CNTN1: variants seen among roughly 807,000 people sequenced by gnomAD.
CNTN1 encodes contactin 1, also known as contactin-1.
In CNTN1, 38 loss-of-function variants were observed where a neutral mutation model predicts 126.4. That is an observed-to-expected ratio of 0.30 (90% CI 0.23 to 0.39). The LOEUF is 0.39. CNTN1 is among the 10% of genes least tolerant of loss of function. CNTN1 has a pLI of 1.00. For missense variants in CNTN1, 1,009 were observed against 1,248.4 expected (o/e 0.81, Z 2.89); for synonymous variants, 413 against 422.6 (o/e 0.98, Z 0.28).
intron 21 of CNTN1, among the ~76,000 whole-genome samples, chr12:41,026,160 G>A (rs1227310512): frequency 6.6e-6 from 1 of 152,152 alleles, no homozygotes; most frequent in Non-Finnish European, 1.5e-5. Context: ...TTTGTAAAAG[G>A]AGCATTCATT....
At chr12:40,896,514 T>G (rs1420933296) in intron 1 of CNTN1, among the ~76,000 whole-genome samples, 1 of 152,186 alleles carries the variant, frequency 6.6e-6, no homozygotes, top group African/African-American at 2.4e-5. Context: ...CCTCACTGCC[T>G]TTTGATAATA....
rs185190979 is a variant in CNTN1, at chr12:40,972,892, C to T, written c.1805-8017C>T. On this transcript the variant is annotated intron_variant, in intron 15 of 23. Coordinates refer to ENST00000551295, the MANE Select transcript of CNTN1 (RefSeq NM_001843.4). ...TTTATTTTATTTTATTATTACACTT[C>T]AAGTTTTAGGGTACATGTGCACAAT... Among the ~76,000 whole-genome samples the T allele has an allele frequency of 3.2e-4, 49 of 152,068 alleles. 1 individual carries two copies. The East Asian group carries it at 7.0e-3, about 22-fold the overall frequency.
intron 15 of CNTN1, among the ~76,000 whole-genome samples, chr12:40,969,913 T>A (rs1301502544): frequency 6.6e-6 from 1 of 152,114 alleles, no homozygotes; most frequent in East Asian, 1.9e-4. Flanking sequence ...AGATCCCTTG[T>A]GTAATTATTC....
intron 1 of CNTN1, among the ~76,000 whole-genome samples, chr12:40,854,851 G>T (rs1364995519): frequency 6.6e-6 from 1 of 152,216 alleles, no homozygotes; most frequent in African/African-American, 2.4e-5. Flanking sequence ...AGAGGAGTCA[G>T]GGAGTCAAGA....
At chr12:41,020,462 C>T (rs745646706) in intron 20 of CNTN1, 22 bp downstream of exon 20, 8 of 1,407,240 alleles carry the variant, frequency 5.7e-6, no homozygotes, top group South Asian at 1.2e-5. Context: ...TTTTATCAAA[C>T]TAAATACATT....
chr12:40,966,366 AC>A (rs1472272589), intron 15 of CNTN1, among the ~76,000 whole-genome samples: 2 of 152,108 alleles, frequency 1.3e-5, no homozygotes, highest in Non-Finnish European at 2.9e-5. Flanking sequence ...CCCACTCTGC[AC>A]TAACCACAGC....
At chr12:40,895,950 T>A (rs1391675620) in intron 1 of CNTN1, 1 of 151,540 alleles carries the variant, frequency 6.6e-6, no homozygotes, top group Non-Finnish European at 1.5e-5. Context: ...ATTTTTTTAG[T>A]AGAGACGGGG....
chr12:40,941,454 C>T (rs1017291708), intron 12 of CNTN1, among the ~76,000 whole-genome samples: 17 of 151,966 alleles, frequency 1.1e-4, no homozygotes, highest in South Asian at 2.1e-4. Flanking sequence ...AACATTTCCA[C>T]GTAACTAAGT....
intron 15 of CNTN1, among the ~76,000 whole-genome samples, chr12:40,962,309 G>A (rs548539286): frequency 7.9e-5 from 12 of 152,000 alleles, no homozygotes; most frequent in Non-Finnish European, 1.5e-4. Context: ...AAAAGGGTGA[G>A]TATATGCATA....
At chr12:40,833,061 A>C (rs1042069206) in intron 1 of CNTN1, among the ~76,000 whole-genome samples, 2 of 150,402 alleles carry the variant, frequency 1.3e-5, no homozygotes, top group East Asian at 3.9e-4. Flanking sequence ...TTAACAAGTT[A>C]TCTTTTTTTT....
chr12:40,779,964 T>G (rs1928556), intron 1 of CNTN1, among the ~76,000 whole-genome samples: 1 of 151,630 alleles, frequency 6.6e-6, no homozygotes, highest in Non-Finnish European at 1.5e-5. Flanking sequence ...ACAGGTGTCA[T>G]TCTGGAGCAA....
intron 1 of CNTN1, among the ~76,000 whole-genome samples, chr12:40,863,911 C>A (rs1473352848): frequency 7.2e-6 from 1 of 138,628 alleles, no homozygotes; most frequent in Non-Finnish European, 1.5e-5. Flanking sequence ...TCTGGACCGA[C>A]CTTCCTTCCT....
intron 3 of CNTN1, among the ~76,000 whole-genome samples, chr12:40,910,591 G>C (rs982646775): frequency 6.6e-6 from 1 of 152,110 alleles, no homozygotes; most frequent in Non-Finnish European, 1.5e-5. Context: ...AGATATTGCA[G>C]AAATAAAGTC....
intron 23 of CNTN1, among the ~76,000 whole-genome samples, chr12:41,068,127 C>G (rs1342402480): frequency 6.6e-6 from 1 of 152,168 alleles, no homozygotes; most frequent in East Asian, 1.9e-4. Flanking sequence ...AGTGCATGGC[C>G]TTTGCAGCTG....
At chr12:40,980,477 A>G (rs80220190) in intron 15 of CNTN1, among the ~76,000 whole-genome samples, 545 of 151,226 alleles carry the variant, frequency 3.6e-3, no homozygotes, top group African/African-American at 0.013. Flanking sequence ...CACAAAGAAC[A>G]AAGAGGATGT....
chr12:40,798,244 A>C (rs1214996487), intron 1 of CNTN1, among the ~76,000 whole-genome samples: 2 of 152,030 alleles, frequency 1.3e-5, no homozygotes, highest in Non-Finnish European at 2.9e-5. Context: ...CCTGTGTCTC[A>C]GAAGCCAGGT....
chr12:41,006,287 TGGAA>T (rs1305403745), intron 17 of CNTN1, among the ~76,000 whole-genome samples: 6 of 152,162 alleles, frequency 3.9e-5, no homozygotes, highest in Admixed American at 2.0e-4. Flanking sequence ...TCCACTGCAC[TGGAA>T]GGGAGGGCTA....
At chr12:40,932,005 C>G (rs1945903393) in intron 7 of CNTN1, among the ~76,000 whole-genome samples, 3 of 151,892 alleles carry the variant, frequency 2.0e-5, no homozygotes, top group Admixed American at 2.0e-4. Flanking sequence ...ATTGAAACAG[C>G]CTTTTTGGAC....
In CNTN1 at chr12:41,070,480, A is replaced by AC; in HGVS notation, c.*446dup. On this transcript the variant is annotated 3_prime_UTR_variant, in exon 24 of 24. Coordinates refer to ENST00000551295, the MANE Select transcript of CNTN1 (RefSeq NM_001843.4). The stretch of plus-strand genomic sequence containing the variant: ...ATGTAAGAGTAATACAGTCTCTTGT[A>AC]CTTTCCTCACTGTTTTGGGTACTGC... 1 of 206,468 alleles carries AC rather than the reference A, an allele frequency of 4.8e-6. No homozygotes were observed. The highest frequency in any genetic ancestry group is 1.0e-5 in the Non-Finnish European group (1 of 100,298). The allele number at this position is 206,468 out of a possible 1,614,324, so 12.8% of individuals were successfully genotyped here.
Sources: gnomAD v4.1 joint callset for allele counts (sites outside exome capture counted in the v4.1 genomes callset) on GRCh38, gnomAD v4.1.1 for gene constraint, MANE v1.5 for transcripts, NCBI Gene and HGNC (gene_info 2026-07-23, HGNC 2026-07-21) for gene names.